Variants in PRMT8 observed in about 807,000 individuals in gnomAD.
PRMT8 encodes the protein protein arginine methyltransferase 8.
In PRMT8, 7 loss-of-function variants were observed where a neutral mutation model predicts 47.1. The ratio of observed to expected loss-of-function variants is 0.15; its 90% CI spans 0.08 to 0.28. The LOEUF (loss-of-function observed/expected upper bound fraction) is 0.28. PRMT8 is among the 10% of genes least tolerant of loss of function. The probability of loss-of-function intolerance (pLI) is 1.00; values close to 1 mark genes in which losing one functional copy is unlikely to be tolerated. For missense variants in PRMT8, 237 were observed against 505.4 expected, an observed-to-expected ratio of 0.47 and a Z score of 5.09; for synonymous variants, 188 against 186.5, an observed-to-expected ratio of 1.01 and a Z score of -0.07.
At chr12:3,429,563 G>A (rs746434409) in intron 1 of PRMT8, among the ~76,000 whole-genome samples, 6 of 152,248 alleles carry the variant, frequency 3.9e-5, no homozygotes, top group Admixed American at 1.3e-4. Flanking sequence ...AGAAATCCAA[G>A]CCAGGTCAAA....
chr12:3,452,668 C>T (rs1024363610), intron 1 of PRMT8, among the ~76,000 whole-genome samples: 1 of 152,176 alleles, frequency 6.6e-6, no homozygotes, highest in African/African-American at 2.4e-5. Flanking sequence ...TTGCTTTATC[C>T]TAGGAACAGG....
chr12:3,429,378 T>A (rs950398506), intron 1 of PRMT8, among the ~76,000 whole-genome samples: 1 of 152,140 alleles, frequency 6.6e-6, no homozygotes, highest in Admixed American at 6.5e-5. Context: ...TTTCTTGAAA[T>A]TTTTCAACAT....
At chr12:3,400,370 A>T (rs1864304413) in intron 1 of PRMT8, among the ~76,000 whole-genome samples, 3 of 152,224 alleles carry the variant, frequency 2.0e-5, no homozygotes, top group Admixed American at 2.0e-4. Flanking sequence ...ACCATCAGAA[A>T]ATATAAATAC....
intron 1 of PRMT8, among the ~76,000 whole-genome samples, chr12:3,401,775 G>C (rs919878272): frequency 1.3e-5 from 2 of 152,070 alleles, no homozygotes; most frequent in African/African-American, 4.8e-5. Context: ...GCTAACAAAG[G>C]AAGTAATGGA....
At chr12:3,513,993 T>C (rs16930531) in intron 1 of PRMT8, among the ~76,000 whole-genome samples, 15,783 of 152,208 alleles carry the variant, frequency 0.1, 1,033 homozygotes, top group African/African-American at 0.18. Flanking sequence ...GGAATCCTTC[T>C]TGAGCCCCCG....
intron 1 of PRMT8, among the ~76,000 whole-genome samples, chr12:3,413,866 G>A (rs972888672): frequency 5.9e-5 from 9 of 152,208 alleles, no homozygotes; most frequent in African/African-American, 2.2e-4. Context: ...ATGATTTAAA[G>A]TATACGGGAA....
chr12:3,520,418 G>A (rs1865862506), intron 1 of PRMT8, among the ~76,000 whole-genome samples: 1 of 152,206 alleles, frequency 6.6e-6, no homozygotes, highest in Non-Finnish European at 1.5e-5. Context: ...GAGCCCAGCT[G>A]TTCAGTCCCT....
At chr12:3,432,212 G>C (rs745814424) in intron 1 of PRMT8, among the ~76,000 whole-genome samples, 16 of 152,162 alleles carry the variant, frequency 1.1e-4, no homozygotes, top group Non-Finnish European at 2.2e-4. Flanking sequence ...AATCTGACAG[G>C]GCTGCCCACA....
rs556929125 is a variant in PRMT8 at position 3,539,456 on chromosome 12, A to G, written c.76-1150A>G. ...TTTTACTAGAGCCAGGATAGGACCC[A>G]GGAGCCTGGATTCCCAGCCCTAGAG... On this transcript the variant is annotated intron_variant, in intron 1 of 9. Coordinates refer to ENST00000382622, the MANE Select transcript of PRMT8 (RefSeq NM_019854.5). Among the ~76,000 whole-genome samples, 9 of 152,312 alleles carry G rather than the reference A, an allele frequency of 5.9e-5. No homozygotes were observed. In the South Asian group the frequency reaches 1.9e-3, roughly 32 times the overall value.
At chr12:3,485,934 T>C (rs1046174997) in intron 1 of PRMT8, among the ~76,000 whole-genome samples, 11 of 152,098 alleles carry the variant, frequency 7.2e-5, no homozygotes, top group Admixed American at 6.5e-5. Flanking sequence ...AAGGAAAAGG[T>C]GGACTCAATC....
In PRMT8 at chr12:3,568,750, G is replaced by T. The variant is rs369319427; in HGVS notation, c.526G>T (p.Val176Leu). Residue 176 changes from valine to leucine, a missense_variant, in exon 5 of 10, where the codon GTG (valine) becomes TTG (leucine). Physicochemically the swap from Val to Leu is conservative, Grantham distance 32. Coordinates refer to ENST00000382622, the MANE Select transcript of PRMT8 (RefSeq NM_019854.5). The part of the protein sequence containing the change: ...KGKVEEVELP[V>L]EKVDIIISEW... ...TAAAGTGGAAGAGGTGGAGCTGCCTGTGGAGAAGGTGGACATCATCATCAG... is the reference window on the plus strand; with the variant it reads ...TAAAGTGGAAGAGGTGGAGCTGCCTTTGGAGAAGGTGGACATCATCATCAG... 1 of 1,614,086 alleles carries T rather than the reference G, an allele frequency of 6.2e-7. No homozygotes were observed. Among genetic ancestry groups the T allele is most frequent in the African/African-American group, 1.3e-5 (1 of 74,932 alleles).
chr12:3,410,901 T>C (rs115185507), intron 1 of PRMT8, among the ~76,000 whole-genome samples: 2,252 of 152,358 alleles, frequency 0.015, 22 homozygotes, highest in African/African-American at 0.028. Flanking sequence ...TTATTTTACA[T>C]TTTTAAGTTC....
chr12:3,576,350 T>C lies in PRMT8; in HGVS notation c.713-521T>C, dbSNP rs911304529. On this transcript the variant is annotated intron_variant, in intron 6 of 9. Coordinates refer to ENST00000382622, the MANE Select transcript of PRMT8 (RefSeq NM_019854.5). The surrounding 1 kb of genome is among the most constrained non-coding windows in gnomAD (Gnocchi z 4.0). Reference sequence around the variant, plus strand: ...GTGGTGCTGGAATTTAAACTGTAGTTGATTTCACGTTAAAAGCCCATGATT... The same window carrying C: ...GTGGTGCTGGAATTTAAACTGTAGTCGATTTCACGTTAAAAGCCCATGATT... Among the ~76,000 whole-genome samples, 1 of 152,166 alleles carries C rather than the reference T, an allele frequency of 6.6e-6. No individual in the cohort carries two copies. The highest frequency in any genetic ancestry group is 1.9e-4 in the East Asian group (1 of 5,186).
intron 1 of PRMT8, among the ~76,000 whole-genome samples, chr12:3,464,282 AC>A (rs66932874): frequency 0.025 from 3,739 of 148,894 alleles, 147 homozygotes; most frequent in African/African-American, 0.082. Flanking sequence ...AAAAAAAAAA[AC>A]AAACTGCACA....
chr12:3,495,631 G>A (rs560283139), intron 1 of PRMT8, among the ~76,000 whole-genome samples: 1 of 152,146 alleles, frequency 6.6e-6, no homozygotes, highest in Non-Finnish European at 1.5e-5. Flanking sequence ...TTGGCTTTTT[G>A]TGTGTCTATT....
At chr12:3,588,541 T>G (rs1316091271) in intron 8 of PRMT8, among the ~76,000 whole-genome samples, 1 of 152,208 alleles carries the variant, frequency 6.6e-6, no homozygotes, top group Non-Finnish European at 1.5e-5. Flanking sequence ...TCACTGAGGC[T>G]GTATGATCGG....
intron 4 of PRMT8, 105 bp from the exon 5 acceptor site, chr12:3,568,601 A>G (rs771243764): frequency 4.8e-5 from 63 of 1,310,536 alleles, no homozygotes; most frequent in Non-Finnish European, 6.3e-5. Context: ...CTAAAAGTAG[A>G]ATCAGAATAG....
intron 1 of PRMT8, among the ~76,000 whole-genome samples, chr12:3,523,653 G>C (rs932735255): frequency 1.3e-5 from 2 of 152,328 alleles, no homozygotes; most frequent in Admixed American, 1.3e-4. Context: ...TGTTACGCAT[G>C]GTCTGCTGGG....
At chr12:3,532,291 A>T (rs1866043606) in intron 1 of PRMT8, among the ~76,000 whole-genome samples, 1 of 148,748 alleles carries the variant, frequency 6.7e-6, no homozygotes, top group South Asian at 2.1e-4. Context: ...ATACTATAAT[A>T]AAATCATTTA....
Sources: allele counts gnomAD v4.1 joint callset (sites outside exome capture counted in the v4.1 genomes callset), GRCh38; gene constraint gnomAD v4.1.1; non-coding constraint Gnocchi (gnomAD v3.1); transcripts MANE v1.5; gene names NCBI Gene and HGNC (gene_info 2026-07-23, HGNC 2026-07-21).